The following MAP3K1 variants were observed in gnomAD, a reference collection of about 807,000 sequenced individuals.
MAP3K1 encodes the protein mitogen-activated protein kinase kinase kinase 1.
In MAP3K1, 36 loss-of-function variants were observed where a neutral mutation model predicts 144.2. The observed-to-expected ratio is 0.25, with a 90% CI of 0.19 to 0.33. The LOEUF is 0.33. Among genes scored for constraint, MAP3K1 ranks in the 10% least tolerant of loss-of-function variants. The probability of loss-of-function intolerance (pLI) is 1.00; values close to 1 mark genes in which losing one functional copy is unlikely to be tolerated. For synonymous variants in MAP3K1, 718 were observed against 688.7 expected, an observed-to-expected ratio of 1.04 and a Z score of -0.67; for missense variants, 1,650 against 1,881.9, an observed-to-expected ratio of 0.88 and a Z score of 2.28.
intron 3 of MAP3K1, 117 bp downstream of exon 3, chr5:56,860,032 A>G (rs1312541113): frequency 3.3e-6 from 3 of 916,862 alleles, no homozygotes; most frequent in Non-Finnish European, 5.2e-6. Context: ...TGATCTGCAG[A>G]CCCCTGAGGA....
chr5:56,885,012 A>G (rs1748337814), intron 16 of MAP3K1, among the ~76,000 whole-genome samples, 186 bp downstream of exon 16: 2 of 152,220 alleles, frequency 1.3e-5, no homozygotes, highest in Admixed American at 1.3e-4. Context: ...TAAATGAAAT[A>G]TTGACTACCT....
intron 13 of MAP3K1, 107 bp downstream of exon 13, chr5:56,881,379 T>G: frequency 9.4e-7 from 1 of 1,062,092 alleles, no homozygotes; most frequent in Non-Finnish European, 1.4e-6. Flanking sequence ...CATGAATAGG[T>G]TGCTGATACC....
In MAP3K1 at chr5:56,894,370, GA is replaced by G. The variant is rs1030459776; in HGVS notation, c.*700del. On this transcript the variant is annotated 3_prime_UTR_variant, in exon 20 of 20. Coordinates refer to ENST00000399503, the MANE Select transcript of MAP3K1 (RefSeq NM_005921.2). ...GAAAGCTGATCTTTTTTTCAAACCA[GA>G]AAAAAAAAATGAACTAGATATGAAG... 3.8e-3 allele frequency: 817 copies of G among 212,308 alleles called. 15 individuals are homozygous for G. Among genetic ancestry groups the G allele is most frequent in the African/African-American group, 0.017 (721 of 43,050 alleles). The allele number at this position is 212,308 out of a possible 1,614,324, so 13.2% of individuals were successfully genotyped here. A position where few individuals can be genotyped will look rare whatever the true frequency, so the allele number is the denominator to read the frequency against.
chr5:56,887,961 T>A (rs561199693), intron 18 of MAP3K1: 5 of 523,226 alleles, frequency 9.6e-6, no homozygotes, highest in Non-Finnish European at 1.7e-5. Flanking sequence ...GTAGTAATGA[T>A]CTGTTGTCCT....
intron 1 of MAP3K1, among the ~76,000 whole-genome samples, chr5:56,838,554 C>T (rs1326402711): frequency 6.6e-6 from 1 of 152,162 alleles, no homozygotes; most frequent in Non-Finnish European, 1.5e-5. Flanking sequence ...AGTTAATGTG[C>T]CTTCTCTTTC....
Position 56,882,531 on chromosome 5 carries a change from A to G in MAP3K1, c.3331A>G (p.Thr1111Ala). Reference sequence around the variant, plus strand: ...TAATGCTGTTATACCCAGTGACGAGACAGTGTTCACCCCAGTAGAGGAGAA... The same window carrying G: ...TAATGCTGTTATACCCAGTGACGAGGCAGTGTTCACCCCAGTAGAGGAGAA... Reference protein sequence around the residue: ...SSNAVIPSDETVFTPVEEKCR... With the variant: ...SSNAVIPSDEAVFTPVEEKCR... The change falls in exon 14 of 20, where the codon ACA (threonine) becomes GCA (alanine). Residue 1111 changes from threonine (T) to alanine (A), a missense_variant. Physicochemically the swap from Thr to Ala is moderately conservative, Grantham distance 58. Transcript: ENST00000399503. 1 of 1,614,122 alleles carries G rather than the reference A, an allele frequency of 6.2e-7. No homozygotes were observed. Among genetic ancestry groups the G allele is most frequent in the Non-Finnish European group, 8.5e-7 (1 of 1,179,994 alleles).
chr5:56,827,445 T>C (rs1353780505), intron 1 of MAP3K1, among the ~76,000 whole-genome samples: 1 of 152,236 alleles, frequency 6.6e-6, no homozygotes, highest in Non-Finnish European at 1.5e-5. Flanking sequence ...TAGCTCCATG[T>C]AGTTTCAGAG....
intron 1 of MAP3K1, among the ~76,000 whole-genome samples, chr5:56,854,290 A>G (rs905092785): frequency 1.3e-5 from 2 of 151,972 alleles, no homozygotes; most frequent in African/African-American, 2.4e-5. Context: ...AAAATTAGCC[A>G]GGCGTGGTGG....
chr5:56,883,277 A>G (rs557346794), intron 14 of MAP3K1, among the ~76,000 whole-genome samples: 1 of 152,316 alleles, frequency 6.6e-6, no homozygotes, highest in East Asian at 1.9e-4. Flanking sequence ...TCCACATAAA[A>G]TTATTACTTA....
chr5:56,884,571 T>C lies in MAP3K1; in HGVS notation c.3820-93T>C. ...CATCCATAAGCATAAATGCCATCTG[T>C]TGCTAATAAAGTGCTAGTTTGCATT... On this transcript the variant is annotated intron_variant, in intron 15 of 19. Coordinates refer to ENST00000399503, the MANE Select transcript of MAP3K1 (RefSeq NM_005921.2). The C allele has an allele frequency of 4.2e-6, 5 of 1,178,858 alleles. No individual in the cohort carries two copies. The South Asian group carries it at 6.5e-5, about 15-fold the overall frequency. 73.0% of individuals were successfully genotyped at this position (1,178,858 alleles called of 1,614,324 possible). A position where few individuals can be genotyped will look rare whatever the true frequency, so the allele number is the denominator to read the frequency against.
rs144731680 is a variant in MAP3K1, at chr5:56,845,532, C to CTCTCTAGGTTTATGCATCAGTTGTCTTG, written c.483-11066_483-11039dup. ...CCAACCTACTTCTCTAGTGTAACGT[C>CTCTCTAGGTTTATGCATCAGTTGTCTTG]TCTCTAGGTTTATGCATCAGTTGTC... is the stretch of plus-strand genomic sequence containing the variant. On this transcript the variant is annotated intron_variant, in intron 1 of 19. Transcript: ENST00000399503. 7.4e-3 allele frequency among the ~76,000 whole-genome samples: 1,131 copies of CTCTCTAGGTTTATGCATCAGTTGTCTTG among 152,268 alleles called. 11 individuals carry two copies. The highest frequency in any genetic ancestry group is 0.026 in the African/African-American group (1,064 of 41,510).
Position 56,895,535 on chromosome 5 carries a change from A to G in MAP3K1, c.*1855A>G, listed in dbSNP as rs1051218711. ...AAAATGTAAACTGTATAAACTGAGGAACCTCAGCTAATCAGTATTACTTTG... is the reference window on the plus strand; with the variant it reads ...AAAATGTAAACTGTATAAACTGAGGGACCTCAGCTAATCAGTATTACTTTG... On this transcript the variant is annotated 3_prime_UTR_variant, in exon 20 of 20. Coordinates refer to ENST00000399503, the MANE Select transcript of MAP3K1 (RefSeq NM_005921.2). 13 of 232,022 alleles carry G rather than the reference A, an allele frequency of 5.6e-5. No homozygotes were observed. Among genetic ancestry groups the G allele is most frequent in the African/African-American group, 8.8e-5 (4 of 45,276 alleles). 14.4% of individuals were successfully genotyped at this position (232,022 alleles called of 1,614,324 possible). A position where few individuals can be genotyped will look rare whatever the true frequency, so the allele number is the denominator to read the frequency against.
At chr5:56,850,428 G>C (rs189910294) in intron 1 of MAP3K1, among the ~76,000 whole-genome samples, 54 of 152,220 alleles carry the variant, frequency 3.5e-4, no homozygotes, top group Admixed American at 5.9e-4. Flanking sequence ...TATAGTCTTA[G>C]TTGCCTCTAT....
At chr5:56,823,136 G>C (rs1233454673) in intron 1 of MAP3K1, among the ~76,000 whole-genome samples, 1 of 152,178 alleles carries the variant, frequency 6.6e-6, no homozygotes, top group Non-Finnish European at 1.5e-5. Context: ...AAGATGTTCA[G>C]ATGGCTTCCA....
chr5:56,878,646 C>G (rs1228083582), intron 10 of MAP3K1, among the ~76,000 whole-genome samples: 1 of 152,136 alleles, frequency 6.6e-6, no homozygotes, highest in African/African-American at 2.4e-5. Flanking sequence ...TTTTGTTGCT[C>G]TAATTATTCC....
At chr5:56,871,843 T>G in intron 6 of MAP3K1, 67 bp from the exon 7 acceptor site, 1 of 1,499,632 alleles carries the variant, frequency 6.7e-7, no homozygotes, top group South Asian at 1.1e-5. Context: ...GCAGAAAGTG[T>G]TTTTAGCATA....
chr5:56,857,842 T>C (rs1747386068), intron 2 of MAP3K1, among the ~76,000 whole-genome samples: 1 of 152,210 alleles, frequency 6.6e-6, no homozygotes, highest in African/African-American at 2.4e-5. Context: ...AGCTGCAGTC[T>C]GTCAGGAATA....
chr5:56,866,189 G>A (rs1747665850), intron 6 of MAP3K1, among the ~76,000 whole-genome samples: 1 of 152,170 alleles, frequency 6.6e-6, no homozygotes, highest in African/African-American at 2.4e-5. Context: ...AAGGCAGAAG[G>A]ATTGCTTGAG....
chr5:56,840,565 A>T (rs1011968133), intron 1 of MAP3K1, among the ~76,000 whole-genome samples: 1 of 152,238 alleles, frequency 6.6e-6, no homozygotes, highest in African/African-American at 2.4e-5. Context: ...TCAGAAAACT[A>T]GTATGACTTT....
Sources: allele counts gnomAD v4.1 joint callset (sites outside exome capture counted in the v4.1 genomes callset), GRCh38; gene constraint gnomAD v4.1.1; transcripts MANE v1.5; gene names NCBI Gene and HGNC (gene_info 2026-07-23, HGNC 2026-07-21).